RASAL3: variants seen among roughly 807,000 people sequenced by gnomAD.
The protein encoded by RASAL3 is RAS protein activator like 3.
Under a neutral mutation model 105.5 loss-of-function variants are expected in RASAL3, and 74 were observed. The observed-to-expected ratio is 0.70, with a 90% CI of 0.58 to 0.85. The LOEUF is 0.85. RASAL3 is among the 40% of genes least tolerant of loss of function. The pLI is 0.00. For missense variants in RASAL3, 1,352 were observed against 1,392.0 expected (o/e 0.97, Z 0.46); for synonymous variants, 579 against 591.6 (o/e 0.98, Z 0.31).
intron 16 of RASAL3, 83 bp downstream of exon 16, chr19:15,452,575 T>C (rs1204621253): frequency 2.4e-6 from 2 of 836,944 alleles, no homozygotes; most frequent in Admixed American, 1.1e-4. Flanking sequence ...AGGCGTGGTT[T>C]GGGGGGGGGG....
rs376196095 is a variant in RASAL3 at position 15,454,514 on chromosome 19, C to T, written c.2007G>A (p.Glu669=). The T allele has an allele frequency of 9.9e-6, 16 of 1,613,888 alleles. No individual in the cohort carries two copies. The highest frequency in any genetic ancestry group is 1.3e-5 in the Non-Finnish European group (15 of 1,179,906). Reference sequence around the variant, plus strand: ...AGCATTGCATGGCTGGTCCATGTTCCTCCAGGAAGCTATTCATGAAGCCCA... The same window carrying T: ...AGCATTGCATGGCTGGTCCATGTTCTTCCAGGAAGCTATTCATGAAGCCCA... ...AYMGFMNSFL[E]EHGPAMQCFL... The change falls in exon 13 of 18, where the codon GAG becomes GAA. Residue 669 remains glutamate, a synonymous_variant. Transcript: ENST00000343625.
intron 5 of RASAL3, 38 bp downstream of exon 5, chr19:15,461,022 C>T: frequency 6.2e-7 from 1 of 1,601,658 alleles, no homozygotes; most frequent in Non-Finnish European, 8.5e-7. Context: ...AGAGTCTTGG[C>T]TCTCCCCTCT....
intron 13 of RASAL3, 30 bp from the exon 14 acceptor site, chr19:15,454,297 CA>C (rs1455215822): frequency 2.6e-6 from 4 of 1,564,492 alleles, no homozygotes; most frequent in Non-Finnish European, 3.5e-6. Context: ...AGAGACTGAG[CA>C]AAGTCTCCAG....
rs765051510 is a variant in RASAL3, at chr19:15,461,200, T to TC, written c.544+17dup. The TC allele has an allele frequency of 1.2e-5, 19 of 1,613,850 alleles. No individual in the cohort carries two copies. The African/African-American group carries it at 2.5e-4, about 22-fold the overall frequency. On this transcript the variant is annotated intron_variant, in intron 4 of 17. Coordinates refer to ENST00000343625, the MANE Select transcript of RASAL3 (RefSeq NM_022904.3). ...GAGCCTCCCAAATGCCCCAGGCCTT[T>TC]CCACCCCTCAAGCTTACCTGGATCC...
intron 11 of RASAL3, 44 bp from the exon 12 acceptor site, chr19:15,454,937 G>A: frequency 7.0e-7 from 1 of 1,433,122 alleles, no homozygotes; most frequent in Non-Finnish European, 9.4e-7. Flanking sequence ...GGAGGCTATG[G>A]GCATAAAGGT....
chr19:15,453,087 G>A lies in RASAL3; in HGVS notation c.2670+20C>T, dbSNP rs969603096. The A allele has an allele frequency of 6.2e-7, 1 of 1,612,772 alleles. No individual in the cohort carries two copies. Among genetic ancestry groups the A allele is most frequent in the Non-Finnish European group, 8.5e-7 (1 of 1,179,624 alleles). ...GTCCCTGTTCCCACTCCCCAGGCGCGGACCTGGGCCTGACCTTACCTTGTT... is the reference window on the plus strand; with the variant it reads ...GTCCCTGTTCCCACTCCCCAGGCGCAGACCTGGGCCTGACCTTACCTTGTT... On this transcript the variant is annotated intron_variant, in intron 15 of 17. Transcript: ENST00000343625. The surrounding 1 kb of genome is among the most constrained non-coding windows in gnomAD (Gnocchi z 4.2).
chr19:15,459,751 G>T (rs553508146), intron 6 of RASAL3, among the ~76,000 whole-genome samples: 1 of 152,276 alleles, frequency 6.6e-6, no homozygotes, highest in Non-Finnish European at 1.5e-5. Flanking sequence ...TGCCCAGGCT[G>T]GTCTCGAACT....
At chr19:15,452,582 G>GGT (rs1970187469) in intron 16 of RASAL3, 76 bp downstream of exon 16, 2 of 1,208,196 alleles carry the variant, frequency 1.7e-6, no homozygotes, top group Non-Finnish European at 2.2e-6. Flanking sequence ...GTTTGGGGGG[G>GGT]GGGGGGAGGG....
intron 14 of RASAL3, 80 bp downstream of exon 14, chr19:15,454,069 C>T: frequency 9.7e-7 from 1 of 1,026,192 alleles, no homozygotes; most frequent in Non-Finnish European, 1.4e-6. Context: ...CACAATGATC[C>T]AACTTCACCT....
chr19:15,461,036 T>G, intron 5 of RASAL3, 24 bp downstream of exon 5: 1 of 1,611,556 alleles, frequency 6.2e-7, no homozygotes, highest in Non-Finnish European at 8.5e-7. Context: ...CCCCTCTACC[T>G]CCCACCTTCA....
chr19:15,463,268 T>G (rs1486159773), intron 2 of RASAL3, among the ~76,000 whole-genome samples: 1 of 151,804 alleles, frequency 6.6e-6, no homozygotes, highest in Non-Finnish European at 1.5e-5. Flanking sequence ...TTTTTTTGTA[T>G]TTTTAGTAGA....
rs750102385 is a variant in RASAL3, at chr19:15,457,763, C to A, written c.960G>T (p.Ala320=). 2.1e-5 allele frequency: 33 copies of A among 1,546,212 alleles called. 3 individuals carry two copies. In the South Asian group the frequency reaches 3.7e-4, roughly 17 times the overall value. ...VHEAKGLPRA[A]AGAPGVRAEL... ...CGGCGCGCACGCCGGGTGCCCCCGCCGCTGCTCGGGGAAGCCCCTTCGCTT... is the reference window on the plus strand; with the variant it reads ...CGGCGCGCACGCCGGGTGCCCCCGCAGCTGCTCGGGGAAGCCCCTTCGCTT... Residue 320 remains alanine, a synonymous_variant, in exon 9 of 18, where the codon GCG becomes GCT. Coordinates refer to ENST00000343625, the MANE Select transcript of RASAL3 (RefSeq NM_022904.3). The surrounding 1 kb of genome is among the most constrained non-coding windows in gnomAD (Gnocchi z 8.6).
At position 15,451,665 on chromosome 19, in the gene RASAL3, C is replaced by G; in HGVS notation, c.*130G>C. On this transcript the variant is annotated 3_prime_UTR_variant, in exon 18 of 18. Coordinates refer to ENST00000343625, the MANE Select transcript of RASAL3 (RefSeq NM_022904.3). ...ATTTTACTGGGCAACTTCATACTGCCAGAGTGGTTGGGACCAGCAGCTCCA... is the reference window on the plus strand; with the variant it reads ...ATTTTACTGGGCAACTTCATACTGCGAGAGTGGTTGGGACCAGCAGCTCCA... 1 of 957,730 alleles carries G rather than the reference C, an allele frequency of 1.0e-6. No individual in the cohort carries two copies. The highest frequency in any genetic ancestry group is 1.5e-6 in the Non-Finnish European group (1 of 653,516). The allele number at this position is 957,730 out of a possible 1,614,324, so 59.3% of individuals were successfully genotyped here. A position where few individuals can be genotyped will look rare whatever the true frequency, so the allele number is the denominator to read the frequency against.
chr19:15,452,255 A>C, intron 16 of RASAL3, 147 bp from the exon 17 acceptor site: 1 of 741,794 alleles, frequency 1.3e-6, no homozygotes, highest in South Asian at 1.5e-5. Context: ...AATATGCTTG[A>C]AGAAGGGTCG....
chr19:15,461,000 T>C lies in RASAL3; in HGVS notation c.606+60A>G, dbSNP rs1970488754. ...CACCCAGCAAGAGTGCCCTTTCAGC[T>C]TTGAGGGTCCGAGAGTCTTGGCTCT... On this transcript the variant is annotated intron_variant, in intron 5 of 17. Coordinates refer to ENST00000343625, the MANE Select transcript of RASAL3 (RefSeq NM_022904.3). 2.0e-6 allele frequency: 3 copies of C among 1,532,888 alleles called. No individual in the cohort carries two copies. The Admixed American group carries it at 5.2e-5, about 26-fold the overall frequency. 95.0% of individuals were successfully genotyped at this position (1,532,888 alleles called of 1,614,324 possible). A position where few individuals can be genotyped will look rare whatever the true frequency, so the allele number is the denominator to read the frequency against.
intron 1 of RASAL3, 45 bp from the exon 2 acceptor site, chr19:15,464,422 T>G: frequency 4.1e-5 from 59 of 1,454,196 alleles, no homozygotes; most frequent in Non-Finnish European, 5.1e-5. Context: ...TCTGTCCACA[T>G]ACTGCCCTCA....
rs1257043929 is a variant in RASAL3 at position 15,457,752 on chromosome 19, G to GGT, written c.969_970dup (p.Pro324HisfsTer158). On this transcript the variant is annotated frameshift_variant, in exon 9 of 18. Coordinates refer to ENST00000343625, the MANE Select transcript of RASAL3 (RefSeq NM_022904.3). LOFTEE classifies it high-confidence loss of function. The surrounding 1 kb of genome is among the most constrained non-coding windows in gnomAD (Gnocchi z 8.6). ...CAGCCACAGCTCGGCGCGCACGCCGGGTGCCCCCGCCGCTGCTCGGGGAAG... is the reference window on the plus strand; with the variant it reads ...CAGCCACAGCTCGGCGCGCACGCCGGGTGTGCCCCCGCCGCTGCTCGGGGAAG... 1 of 1,544,258 alleles carries GGT rather than the reference G, an allele frequency of 6.5e-7. No homozygotes were observed. The highest frequency in any genetic ancestry group is 1.2e-5 in the South Asian group (1 of 83,754).
chr19:15,461,556 G>C lies in RASAL3; in HGVS notation c.380C>G (p.Ala127Gly), dbSNP rs201037942. 2.6e-6 allele frequency: 4 copies of C among 1,534,202 alleles called. No homozygotes were observed. In the African/African-American group the frequency reaches 5.6e-5, roughly 21 times the overall value. ...CCAGACAGGCACGTTGGGTGTGGGG[G>C]CCTCAGGGATCTGTGGGGTAGGGGG... ...LEPPTPQIPE[A>G]PTPNVPVWDI... Residue 127 changes from alanine (A) to glycine (G), a missense_variant, in exon 3 of 18, where the codon GCC becomes GGC. Transcript: ENST00000343625.
Position 15,451,859 on chromosome 19 carries a change from G to A in RASAL3, c.2972C>T (p.Thr991Met), listed in dbSNP as rs1407539732. ...AVQSLQLSPR[T>M]RGSWSQPQPL... ...CTGGGGTTGACTCCAAGACCCCCGC[G>A]TCCTTGGAGAAAGCTGCAGGCTCTG... The change falls in exon 18 of 18, where the codon ACG (threonine) becomes ATG (methionine). Residue 991 changes from threonine (T) to methionine (M), a missense_variant. Physicochemically the swap from Thr to Met is moderately conservative, Grantham distance 81 (BLOSUM62 -1). Transcript: ENST00000343625. 3 of 1,608,790 alleles carry A rather than the reference G, an allele frequency of 1.9e-6. No homozygotes were observed. The highest frequency in any genetic ancestry group is 2.6e-6 in the Non-Finnish European group (3 of 1,175,944).
Sources: gnomAD v4.1 joint callset for allele counts (sites outside exome capture counted in the v4.1 genomes callset) on GRCh38, gnomAD v4.1.1 for gene constraint, Gnocchi (gnomAD v3.1) non-coding constraint, MANE v1.5 for transcripts, NCBI Gene and HGNC (gene_info 2026-07-23, HGNC 2026-07-21) for gene names.